The following F5 variants were observed in gnomAD, a reference collection of about 807,000 sequenced individuals.
F5 encodes activated protein c cofactor.
F5 carries 138 observed loss-of-function variants against 216.4 expected under a neutral mutation model. That is an observed-to-expected ratio of 0.64 (90% CI 0.56 to 0.73). The LOEUF is 0.73. Among genes scored for constraint, F5 ranks in the 30% least tolerant of loss-of-function variants. The pLI is 0.00. For missense variants in F5, 2,403 were observed against 2,674.0 expected, an observed-to-expected ratio of 0.90 and a Z score of 2.24; for synonymous variants, 916 against 930.7, an observed-to-expected ratio of 0.98 and a Z score of 0.29.
chr1:169,546,435 G>A lies in F5; in HGVS notation c.1762+7C>T. The A allele has an allele frequency of 6.2e-7, 1 of 1,613,986 alleles. No individual in the cohort carries two copies. Among genetic ancestry groups the A allele is most frequent in the Non-Finnish European group, 8.5e-7 (1 of 1,179,956 alleles). On this transcript the variant is annotated splice_region_variant and intron_variant, in intron 11 of 24. Transcript: ENST00000367797. The stretch of plus-strand genomic sequence containing the variant: ...AACTGATGAACAAAAATAGTACTCT[G>A]ACTTACTGCTCATGATGTTTGATTC...
chr1:169,515,628 T>C lies in F5; in HGVS notation c.6346-2A>G. On this transcript the variant is annotated splice_acceptor_variant, in intron 23 of 24. Transcript: ENST00000367797. LOFTEE classifies it high-confidence loss of function. ...TAGCCACTGCTTATTGTTGTTTGCC[T>C]ATGAAAATGACAAAAACACATAGAT... 6.2e-7 allele frequency: 1 copy of C among 1,612,236 alleles called. No individual in the cohort carries two copies. Among genetic ancestry groups the C allele is most frequent in the African/African-American group, 1.3e-5 (1 of 75,004 alleles).
Position 169,541,742 on chromosome 1 carries a change from A to T in F5, c.3348T>A (p.Gly1116=), listed in dbSNP as rs1279051510. The change falls in exon 13 of 25, where the codon GGT becomes GGA. Residue 1116 remains glycine (G), a synonymous_variant. Coordinates refer to ENST00000367797, the MANE Select transcript of F5 (RefSeq NM_000130.5). Reference sequence around the variant, plus strand: ...CCTCTGGGGGCACTGTCTGATAAAGACCTGGAGGACAGCTTGCCTGACCAG... The same window carrying T: ...CCTCTGGGGGCACTGTCTGATAAAGTCCTGGAGGACAGCTTGCCTGACCAG... ...NDTGQASCPP[G]LYQTVPPEEH... is the part of the protein sequence containing the mutation. 3 of 1,613,994 alleles carry T rather than the reference A, an allele frequency of 1.9e-6. No individual in the cohort carries two copies. The highest frequency in any genetic ancestry group is 1.7e-5 in the Admixed American group (1 of 59,986).
intron 19 of F5, 106 bp downstream of exon 19, chr1:169,524,731 A>C (rs1322400574): frequency 2.0e-6 from 2 of 978,036 alleles, no homozygotes; most frequent in African/African-American, 3.2e-5. Flanking sequence ...GAAAAGCATA[A>C]AGAGAAAAAC....
intron 3 of F5, among the ~76,000 whole-genome samples, chr1:169,568,983 G>A (rs1048754915): frequency 3.3e-5 from 5 of 152,036 alleles, no homozygotes; most frequent in African/African-American, 4.8e-5. Context: ...AAGCTATAAT[G>A]TAGGCAATGG....
In F5 at chr1:169,560,467, C is replaced by T. The variant is rs1660448047; in HGVS notation, c.586+87G>A. ...CTCTGCTTGATGTACAAGAAGTTAC[C>T]AAGATGCTCCCAAGCTTTGTCCCAT... On this transcript the variant is annotated intron_variant, in intron 4 of 24. Coordinates refer to ENST00000367797, the MANE Select transcript of F5 (RefSeq NM_000130.5). 3 of 1,330,126 alleles carry T rather than the reference C, an allele frequency of 2.3e-6. No homozygotes were observed. The African/African-American group carries it at 4.4e-5, about 19-fold the overall frequency. The allele number at this position is 1,330,126 out of a possible 1,614,324, so 82.4% of individuals were successfully genotyped here. A position where few individuals can be genotyped will look rare whatever the true frequency, so the allele number is the denominator to read the frequency against.
chr1:169,572,405 G>A (rs1453738239), intron 2 of F5, 62 bp from the exon 3 acceptor site: 1 of 1,597,932 alleles, frequency 6.3e-7, no homozygotes, highest in Non-Finnish European at 8.5e-7. Flanking sequence ...GAGTTGCTAA[G>A]CAAGAAAAAC....
chr1:169,551,668 C>T (rs1459788446), intron 8 of F5, among the ~76,000 whole-genome samples: 1 of 152,230 alleles, frequency 6.6e-6, no homozygotes, highest in Non-Finnish European at 1.5e-5. Context: ...CCTAGTTAGG[C>T]TCTTTAATCT....
rs771802687 is a variant in F5 at position 169,544,474 on chromosome 1, A to G, written c.1797T>C (p.Thr599=). Residue 599 remains threonine, a synonymous_variant, in exon 12 of 25, where the codon ACT becomes ACC. Transcript: ENST00000367797. The part of the protein sequence containing the change: ...INGYVPESIT[T]LGFCFDDTVQ... ...CAGTGTCATCAAAGCAGAATCCAAG[A>G]GTAGTTATGCTCTCAGGCACATAGC... The G allele has an allele frequency of 1.2e-6, 2 of 1,614,106 alleles. No individual in the cohort carries two copies. The highest frequency in any genetic ancestry group is 1.7e-5 in the Admixed American group (1 of 60,004).
chr1:169,520,420 A>T, intron 22 of F5, 100 bp downstream of exon 22: 1 of 1,446,228 alleles, frequency 6.9e-7, no homozygotes, highest in Non-Finnish European at 9.7e-7. Context: ...TAGGAGCCTA[A>T]GTCACTGAAA....
At chr1:169,556,259 T>TCTACAAC (rs1297981042) in intron 6 of F5, among the ~76,000 whole-genome samples, 146 of 151,980 alleles carry the variant, frequency 9.6e-4, no homozygotes, top group African/African-American at 3.3e-3. Context: ...TTTTACACTT[T>TCTACAAC]CTACAACTTA....
At chr1:169,556,399 A>C (rs1262196083) in intron 6 of F5, among the ~76,000 whole-genome samples, 2 of 117,046 alleles carry the variant, frequency 1.7e-5, no homozygotes, top group African/African-American at 6.6e-5. Context: ...CGAGGAAGTT[A>C]GAGATCTCTT....
In F5 at chr1:169,523,201, A is replaced by G; in HGVS notation, c.6044T>C (p.Val2015Ala). The G allele has an allele frequency of 6.2e-7, 1 of 1,614,070 alleles. No homozygotes were observed. Among genetic ancestry groups the G allele is most frequent in the Non-Finnish European group, 8.5e-7 (1 of 1,179,942 alleles). Residue 2015 changes from valine (V) to alanine (A), a missense_variant, in exon 21 of 25, where the codon GTG (valine) becomes GCG (alanine). Transcript: ENST00000367797. ...GATAGAAATATGCACACAAACCATC[A>G]CATTCCTTGTGCTGTTCCCTTTGAA... ...QIFKGNSTRNVMYFNGNSDAS... is the reference protein window; with the variant it reads ...QIFKGNSTRNAMYFNGNSDAS...
intron 12 of F5, 141 bp downstream of exon 12, chr1:169,544,155 T>C (rs1383666388): frequency 5.6e-6 from 4 of 715,342 alleles, no homozygotes; most frequent in African/African-American, 1.8e-5. Flanking sequence ...AGAGAAATCA[T>C]GAGAAACATT....
intron 24 of F5, 148 bp downstream of exon 24, chr1:169,515,296 G>C: frequency 1.0e-6 from 1 of 984,808 alleles, no homozygotes; most frequent in Non-Finnish European, 1.6e-6. Context: ...CCAGGAGTTT[G>C]TCTGAGACCA....
intron 17 of F5, among the ~76,000 whole-genome samples, chr1:169,526,618 C>T (rs887295350): frequency 1.3e-5 from 2 of 151,930 alleles, no homozygotes; most frequent in African/African-American, 4.8e-5. Context: ...TGACTGTTTC[C>T]CAGATTGTGG....
intron 3 of F5, among the ~76,000 whole-genome samples, chr1:169,563,759 T>C (rs555596368): frequency 1.3e-5 from 2 of 152,142 alleles, no homozygotes; most frequent in Admixed American, 1.3e-4. Flanking sequence ...TTATATTCTC[T>C]ATCTTCATCA....
At chr1:169,574,623 A>G (rs376224842) in intron 2 of F5, among the ~76,000 whole-genome samples, 1 of 152,300 alleles carries the variant, frequency 6.6e-6, no homozygotes, top group Non-Finnish European at 1.5e-5. Flanking sequence ...CCCTTAATAC[A>G]TTCAAGCACT....
chr1:169,523,708 C>A (rs75398978), intron 20 of F5, 93 bp downstream of exon 20: 3 of 1,163,160 alleles, frequency 2.6e-6, no homozygotes, highest in Non-Finnish European at 3.9e-6. Flanking sequence ...TTTCCCCTAA[C>A]AACATTGCAA....
intron 7 of F5, among the ~76,000 whole-genome samples, chr1:169,553,196 C>T (rs1571584396): frequency 6.6e-6 from 1 of 152,202 alleles, no homozygotes; most frequent in African/African-American, 2.4e-5. Context: ...TGCTATTGGG[C>T]TATCTCTTCC....
Sources: gnomAD v4.1 joint callset for allele counts (sites outside exome capture counted in the v4.1 genomes callset) on GRCh38, gnomAD v4.1.1 for gene constraint, MANE v1.5 for transcripts, NCBI Gene and HGNC (gene_info 2026-07-23, HGNC 2026-07-21) for gene names.